The following MARCHF4 variants were observed in gnomAD, a reference collection of about 807,000 sequenced individuals.
The protein encoded by MARCHF4 is membrane associated ring-CH-type finger 4.
Under a neutral mutation model 43.9 loss-of-function variants are expected in MARCHF4, and 14 were observed. That is an observed-to-expected ratio of 0.32 (90% CI 0.21 to 0.50). The LOEUF is 0.50. MARCHF4 is among the 20% of genes least tolerant of loss of function. The pLI is 0.98. For missense variants in MARCHF4, 468 were observed against 536.7 expected (o/e 0.87, Z 1.27); for synonymous variants, 226 against 213.3 (o/e 1.06, Z -0.52).
chr2:216,289,245 C>G (rs1357818679), intron 1 of MARCHF4, among the ~76,000 whole-genome samples: 1 of 140,214 alleles, frequency 7.1e-6, no homozygotes, highest in Non-Finnish European at 1.5e-5. Flanking sequence ...CCGCCCCCCA[C>G]CCAAGTTGCT....
intron 1 of MARCHF4, among the ~76,000 whole-genome samples, chr2:216,332,716 A>C (rs1188190417): frequency 6.6e-6 from 1 of 152,188 alleles, no homozygotes; most frequent in Non-Finnish European, 1.5e-5. Context: ...GTCTCCCCAA[A>C]TGCATCTATG....
chr2:216,321,552 T>G (rs1428337588), intron 1 of MARCHF4: 1 of 152,178 alleles, frequency 6.6e-6, no homozygotes, highest in East Asian at 1.9e-4. Flanking sequence ...ACCCATTCTG[T>G]CCTTTCTCCC....
chr2:216,336,627 G>A (rs1692160207), intron 1 of MARCHF4, among the ~76,000 whole-genome samples: 1 of 150,902 alleles, frequency 6.6e-6, no homozygotes, highest in Non-Finnish European at 1.5e-5. Flanking sequence ...TGGCTATTTT[G>A]TGAATTGGTT....
intron 1 of MARCHF4, among the ~76,000 whole-genome samples, chr2:216,336,769 C>CAAAAAAAAAAAAAAAAAAAAAATT (rs1453857917): frequency 1.5e-5 from 1 of 66,866 alleles, no homozygotes; most frequent in Non-Finnish European, 3.1e-5. Context: ...AAAAAAAAAG[C>CAAAAAAAAAAAAAAAAAAAAAATT]TTTCTGGAAA....
At position 216,271,032 on chromosome 2, in the gene MARCHF4, T is replaced by C. The variant is rs867258683; in HGVS notation, c.865+6640A>G. ...ATGCACATCTGTTCATATTTCCCCA[T>C]TTGAACTAGAGTTCAATTTAAAATG... is the stretch of plus-strand genomic sequence containing the variant. On this transcript the variant is annotated intron_variant, in intron 3 of 3. Coordinates refer to ENST00000273067, the MANE Select transcript of MARCHF4 (RefSeq NM_020814.3). Among the ~76,000 whole-genome samples, 31 of 152,354 alleles carry C rather than the reference T, an allele frequency of 2.0e-4. No individual in the cohort carries two copies. The Middle Eastern group carries it at 0.014, about 67-fold the overall frequency.
At chr2:216,345,779 C>T (rs116432571) in intron 1 of MARCHF4, among the ~76,000 whole-genome samples, 6 of 152,312 alleles carry the variant, frequency 3.9e-5, no homozygotes, top group Non-Finnish European at 7.3e-5. Flanking sequence ...TACCCCAGAT[C>T]TGAGAAATCA....
intron 3 of MARCHF4, chr2:216,266,203 C>T (rs1170070457): frequency 1.3e-5 from 2 of 152,122 alleles, no homozygotes; most frequent in East Asian, 1.9e-4. Flanking sequence ...ACTTACTCAC[C>T]TTGCGGCTTT....
At chr2:216,269,411 G>A (rs1231136550) in intron 3 of MARCHF4, among the ~76,000 whole-genome samples, 1 of 152,136 alleles carries the variant, frequency 6.6e-6, no homozygotes, top group African/African-American at 2.4e-5. Context: ...GGTGGAACGA[G>A]GACATTAGAT....
intron 1 of MARCHF4, among the ~76,000 whole-genome samples, chr2:216,313,667 C>T (rs1013399368): frequency 5.3e-5 from 8 of 152,256 alleles, no homozygotes; most frequent in African/African-American, 1.9e-4. Flanking sequence ...ACCTTGTTCA[C>T]AACTATTAGA....
chr2:216,356,537 T>G (rs1311270838), intron 1 of MARCHF4, among the ~76,000 whole-genome samples: 2 of 152,182 alleles, frequency 1.3e-5, no homozygotes, highest in Non-Finnish European at 2.9e-5. Flanking sequence ...TTTAATTGAT[T>G]TGCCTAAAGC....
chr2:216,344,831 C>T (rs1465912468), intron 1 of MARCHF4, among the ~76,000 whole-genome samples: 1 of 151,784 alleles, frequency 6.6e-6, no homozygotes, highest in Non-Finnish European at 1.5e-5. Context: ...TGGATGGAGC[C>T]AAGTCCACGT....
intron 3 of MARCHF4, among the ~76,000 whole-genome samples, chr2:216,263,301 C>A (rs1024286406): frequency 7.9e-5 from 12 of 152,060 alleles, no homozygotes; most frequent in Non-Finnish European, 1.5e-5. Context: ...GTGACACGCG[C>A]CTGTAATCCC....
At chr2:216,345,328 C>A (rs892039477) in intron 1 of MARCHF4, among the ~76,000 whole-genome samples, 1 of 151,332 alleles carries the variant, frequency 6.6e-6, no homozygotes, top group African/African-American at 2.5e-5. Flanking sequence ...CCAAAGAACA[C>A]AAACTATTAT....
intron 3 of MARCHF4, among the ~76,000 whole-genome samples, chr2:216,263,739 T>A (rs1423779163): frequency 7.2e-5 from 11 of 151,758 alleles, no homozygotes; most frequent in Non-Finnish European, 1.6e-4. Context: ...CCGCCACCAG[T>A]GTGAGGGAAA....
intron 1 of MARCHF4, among the ~76,000 whole-genome samples, chr2:216,367,967 C>T (rs1361156297): frequency 4.6e-5 from 7 of 152,138 alleles, no homozygotes. Context: ...AAAGGTGTCT[C>T]CAAATCACGT....
At chr2:216,311,599 A>C (rs1195841578) in intron 1 of MARCHF4, among the ~76,000 whole-genome samples, 1 of 152,170 alleles carries the variant, frequency 6.6e-6, no homozygotes, top group Non-Finnish European at 1.5e-5. Context: ...GTTTCCTCAC[A>C]TTTTTGCTTT....
intron 1 of MARCHF4, among the ~76,000 whole-genome samples, chr2:216,312,331 A>G (rs1179328229): frequency 2.6e-5 from 4 of 152,178 alleles, no homozygotes; most frequent in African/African-American, 9.7e-5. Flanking sequence ...GTGTATATAT[A>G]CCACATTTTC....
In MARCHF4 at chr2:216,283,639, AG is replaced by A; in HGVS notation, c.606del (p.Trp203GlyfsTer15). The A allele has an allele frequency of 6.2e-7, 1 of 1,613,838 alleles. No individual in the cohort carries two copies. Among genetic ancestry groups the A allele is most frequent in the Non-Finnish European group, 8.5e-7 (1 of 1,179,714 alleles). Reference protein sequence around the residue: ...CLIKWISERGCWSCELCYYKY... With the variant: ...CLIKWISERGXWSCELCYYKY... ...TTGTAGTAGCACAGCTCGCAGCTCC[AG>A]CAGCCCCGCTCGCTGATCCACTTGA... is the stretch of plus-strand genomic sequence containing the variant. On this transcript the variant is annotated frameshift_variant, in exon 2 of 4. Coordinates refer to ENST00000273067, the MANE Select transcript of MARCHF4 (RefSeq NM_020814.3). LOFTEE classifies it high-confidence loss of function.
intron 3 of MARCHF4, among the ~76,000 whole-genome samples, chr2:216,261,573 A>G (rs1347418406): frequency 2.0e-5 from 3 of 152,200 alleles, no homozygotes; most frequent in Non-Finnish European, 2.9e-5. Context: ...GGGGCCCATG[A>G]TTCAAGCCTA....
Sources: gnomAD v4.1 joint callset for allele counts (sites outside exome capture counted in the v4.1 genomes callset) on GRCh38, gnomAD v4.1.1 for gene constraint, MANE v1.5 for transcripts, NCBI Gene and HGNC (gene_info 2026-07-23, HGNC 2026-07-21) for gene names.